WWOX: variants seen among roughly 807,000 people sequenced by gnomAD.
WWOX encodes WW domain containing oxidoreductase.
In WWOX, 69 loss-of-function variants were observed where a neutral mutation model predicts 46.2. That is an observed-to-expected ratio of 1.49 (90% CI 1.23 to 1.82). The LOEUF is 1.82. WWOX is among the 40% of genes most tolerant of loss of function. The probability of loss-of-function intolerance (pLI) is 0.00; values close to 1 mark genes in which losing one functional copy is unlikely to be tolerated. For missense variants in WWOX, 919 were observed against 542.6 expected (o/e 1.69, Z -6.89); for synonymous variants, 359 against 202.6 (o/e 1.77, Z -6.56).
At chr16:78,667,227 G>A (rs1386292954) in intron 8 of WWOX, among the ~76,000 whole-genome samples, 1 of 152,030 alleles carries the variant, frequency 6.6e-6, no homozygotes, top group Non-Finnish European at 1.5e-5. Context: ...TAAATTTTAG[G>A]TTTCTGCCCC....
At chr16:79,150,255 G>A (rs1438099362) in intron 8 of WWOX, among the ~76,000 whole-genome samples, 1 of 152,194 alleles carries the variant, frequency 6.6e-6, no homozygotes, top group Non-Finnish European at 1.5e-5. Flanking sequence ...ACTGAACTTT[G>A]TACTCAATGC....
chr16:78,262,467 A>C (rs1002954834), intron 5 of WWOX, among the ~76,000 whole-genome samples: 1 of 152,190 alleles, frequency 6.6e-6, no homozygotes, highest in African/African-American at 2.4e-5. Flanking sequence ...AACCAGCTAT[A>C]TGGCAAACCC....
At chr16:78,453,636 A>G (rs1232728346) in intron 8 of WWOX, among the ~76,000 whole-genome samples, 1 of 152,018 alleles carries the variant, frequency 6.6e-6, no homozygotes, top group African/African-American at 2.4e-5. Flanking sequence ...TGCTATTTTT[A>G]TCCTGAAGAT....
intron 5 of WWOX, chr16:78,278,461 G>A: frequency 2.7e-6 from 2 of 746,192 alleles, no homozygotes; most frequent in Admixed American, 2.9e-5. Flanking sequence ...TAAATAGGAG[G>A]TGTTGGAAGA....
intron 8 of WWOX, among the ~76,000 whole-genome samples, chr16:79,044,873 A>G (rs2048036881): frequency 6.6e-6 from 1 of 152,294 alleles, no homozygotes; most frequent in African/African-American, 2.4e-5. Context: ...AGCCTCATTG[A>G]GTCCCCCATC....
At chr16:79,050,140 A>G (rs930844178) in intron 8 of WWOX, among the ~76,000 whole-genome samples, 2 of 152,130 alleles carry the variant, frequency 1.3e-5, no homozygotes, top group Non-Finnish European at 2.9e-5. Context: ...GCTCACGGCA[A>G]TCAGTATTTA....
intron 8 of WWOX, among the ~76,000 whole-genome samples, chr16:79,152,107 C>G (rs1448042904): frequency 1.3e-5 from 2 of 152,208 alleles, no homozygotes; most frequent in Non-Finnish European, 2.9e-5. Context: ...AGTTTATCCT[C>G]TACTTTTTCC....
intron 8 of WWOX, among the ~76,000 whole-genome samples, chr16:78,689,240 A>G (rs1281774999): frequency 6.6e-6 from 1 of 152,210 alleles, no homozygotes; most frequent in Non-Finnish European, 1.5e-5. Flanking sequence ...TTCAAGCCAT[A>G]CGTCACCATT....
chr16:78,635,155 C>G (rs936592646), intron 8 of WWOX, among the ~76,000 whole-genome samples: 2 of 152,188 alleles, frequency 1.3e-5, no homozygotes, highest in Non-Finnish European at 2.9e-5. Context: ...GTACCTCTTG[C>G]CACTCAACAT....
intron 8 of WWOX, among the ~76,000 whole-genome samples, chr16:78,775,782 A>G (rs999737935): frequency 4.6e-5 from 7 of 152,194 alleles, no homozygotes; most frequent in Admixed American, 6.5e-5. Context: ...CCTTTAGCCA[A>G]TGGAGCAGTG....
At chr16:78,714,951 A>T (rs2048527577) in intron 8 of WWOX, among the ~76,000 whole-genome samples, 2 of 152,162 alleles carry the variant, frequency 1.3e-5, no homozygotes, top group African/African-American at 2.4e-5. Flanking sequence ...GTGATATAAT[A>T]TCATGCGGCT....
chr16:78,354,930 T>TC (rs1379177479), intron 5 of WWOX, among the ~76,000 whole-genome samples: 3 of 152,050 alleles, frequency 2.0e-5, no homozygotes, highest in African/African-American at 4.8e-5. Context: ...GGTCAGGAAT[T>TC]CAAGACTACT....
chr16:78,941,885 C>G (rs962458919), intron 8 of WWOX, among the ~76,000 whole-genome samples: 8 of 151,980 alleles, frequency 5.3e-5, no homozygotes, highest in African/African-American at 1.9e-4. Context: ...TTATTTAGGC[C>G]TTAATTTAAT....
intron 8 of WWOX, among the ~76,000 whole-genome samples, chr16:78,681,546 C>CA (rs35341099): frequency 0.44 from 62,858 of 141,416 alleles, 15,832 homozygotes; most frequent in Admixed American, 0.57. Context: ...CCTCCATATA[C>CA]AAAAAAAAAA....
At chr16:78,256,014 G>T (rs527756497) in intron 5 of WWOX, among the ~76,000 whole-genome samples, 5 of 151,790 alleles carry the variant, frequency 3.3e-5, no homozygotes, top group African/African-American at 1.2e-4. Context: ...GTCGGGCATG[G>T]TGGCATGTGC....
Position 78,589,163 on chromosome 16 carries a change from C to T in WWOX, c.1056+156411C>T, listed in dbSNP as rs528138368. ...TGAGTCTAGTATTTCTGTTGGGATC[C>T]GGGGAGCATATGGAGTGTTGTTTGT... On this transcript the variant is annotated intron_variant, in intron 8 of 8. Coordinates refer to ENST00000566780, the MANE Select transcript of WWOX (RefSeq NM_016373.4). 8.5e-5 allele frequency among the ~76,000 whole-genome samples: 13 copies of T among 152,174 alleles called. No individual in the cohort carries two copies. The South Asian group carries it at 1.2e-3, about 15-fold the overall frequency.
intron 5 of WWOX, among the ~76,000 whole-genome samples, chr16:78,197,463 A>T (rs1453629299): frequency 6.6e-6 from 1 of 152,198 alleles, no homozygotes; most frequent in African/African-American, 2.4e-5. Context: ...TTGACTGTCC[A>T]TCAAAATGTC....
chr16:78,939,358 A>C (rs918262686), intron 8 of WWOX, among the ~76,000 whole-genome samples: 1 of 152,150 alleles, frequency 6.6e-6, no homozygotes, highest in African/African-American at 2.4e-5. Flanking sequence ...CAATGACTCT[A>C]CAATTGCTGG....
chr16:78,217,218 G>T (rs578138559), intron 5 of WWOX, among the ~76,000 whole-genome samples: 1 of 152,118 alleles, frequency 6.6e-6, no homozygotes, highest in Non-Finnish European at 1.5e-5. Flanking sequence ...ATAAAAGTCT[G>T]TTCCCTTCCT....
Sources: gnomAD v4.1 joint callset for allele counts (sites outside exome capture counted in the v4.1 genomes callset) on GRCh38, gnomAD v4.1.1 for gene constraint, MANE v1.5 for transcripts, NCBI Gene and HGNC (gene_info 2026-07-23, HGNC 2026-07-21) for gene names.